BCOR: variants seen among roughly 807,000 people sequenced by gnomAD.
BCOR encodes the protein BCL-6 corepressor.
BCOR carries 10 observed loss-of-function variants against 86.7 expected under a neutral mutation model. The ratio of observed to expected loss-of-function variants is 0.12; its 90% confidence interval spans 0.07 to 0.20. The LOEUF (loss-of-function observed/expected upper bound fraction) is 0.20, where lower values mean the gene tolerates loss of function less well. BCOR is among the 10% of genes least tolerant of loss of function. The pLI, the probability that BCOR is intolerant of heterozygous loss-of-function variation, is 1.00. For synonymous variants in BCOR, 611 were observed against 609.0 expected, an observed-to-expected ratio of 1.00 and a Z score of -0.05; for missense variants, 1,259 against 1,452.1, an observed-to-expected ratio of 0.87 and a Z score of 2.16.
rs1245707826 is a variant in BCOR, at chrX:40,070,354, C to T, written c.3238+619G>A. ...CTCGTGAGCAAATCCCAAAGTCAAC[C>T]CTGTTGGTGGGGTGGGGGACCTGCT... On this transcript the variant is annotated intron_variant, in intron 6 of 14. Coordinates refer to ENST00000378444, the MANE Select transcript of BCOR (RefSeq NM_001123385.2). Among the ~76,000 whole-genome samples, 4 of 112,048 alleles carry T rather than the reference C, an allele frequency of 3.6e-5. No homozygotes were observed. In the East Asian group the frequency reaches 1.1e-3, roughly 31 times the overall value.
chrX:40,113,518 A>G (rs756470582), intron 1 of BCOR, among the ~76,000 whole-genome samples: 75 of 111,159 alleles, frequency 6.7e-4, no homozygotes, highest in Non-Finnish European at 1.4e-3. Context: ...TGTTTAGCTC[A>G]CCCTCTGAAG....
intron 10 of BCOR, among the ~76,000 whole-genome samples, chrX:40,060,599 T>C (rs1389954231): frequency 8.9e-6 from 1 of 112,111 alleles, no homozygotes; most frequent in Non-Finnish European, 1.9e-5. Flanking sequence ...CCTCTGGTGT[T>C]TGCTGGAAGC....
intron 1 of BCOR, among the ~76,000 whole-genome samples, chrX:40,089,053 G>T (rs928715566): frequency 8.9e-6 from 1 of 111,770 alleles, no homozygotes; most frequent in African/African-American, 3.3e-5. Flanking sequence ...GAATACCCTC[G>T]TAGGGGAGAT....
In BCOR at chrX:40,055,051, A is replaced by G. The variant is rs6609049; in HGVS notation, c.4741+317T>C. Reference sequence around the variant, plus strand: ...TGACCTAACACCATAAACCTGTCCAAATAATTTCATGTATGGAAGGTTTGA... The same window carrying G: ...TGACCTAACACCATAAACCTGTCCAGATAATTTCATGTATGGAAGGTTTGA... On this transcript the variant is annotated intron_variant, in intron 12 of 14. Coordinates refer to ENST00000378444, the MANE Select transcript of BCOR (RefSeq NM_001123385.2). 0.16 allele frequency among the ~76,000 whole-genome samples: 18,307 copies of G among 111,821 alleles called. 1,565 individuals carry two copies. Among genetic ancestry groups the G allele is most frequent in the East Asian group, 0.67 (2,359 of 3,524 alleles).
intron 1 of BCOR, among the ~76,000 whole-genome samples, chrX:40,087,156 C>G (rs1292657552): frequency 8.8e-6 from 1 of 113,272 alleles, no homozygotes; most frequent in Non-Finnish European, 1.9e-5. Context: ...CTGCCCCTCT[C>G]CATGCCATGT....
intron 1 of BCOR, among the ~76,000 whole-genome samples, chrX:40,158,805 A>G (rs1159295370): frequency 8.9e-6 from 1 of 112,381 alleles, no homozygotes; most frequent in Non-Finnish European, 1.9e-5. Flanking sequence ...TTTTGAATTT[A>G]ACATGCATTT....
rs769499658 is a variant in BCOR at position 40,143,634 on chromosome X, A to G, written c.-41+33373T>C. Among the ~76,000 whole-genome samples, 282 of 112,938 alleles carry G rather than the reference A, an allele frequency of 2.5e-3. 2 individuals carry two copies. The highest frequency in any genetic ancestry group is 3.2e-3 in the South Asian group (9 of 2,785). Reference sequence around the variant, plus strand: ...GTAGGAAACAAAAGCCAAAGAGGGGATTCTTAAGTTATAACAAATATGTTA... The same window carrying G: ...GTAGGAAACAAAAGCCAAAGAGGGGGTTCTTAAGTTATAACAAATATGTTA... On this transcript the variant is annotated intron_variant, in intron 1 of 14. Transcript: ENST00000342274.
At chrX:40,152,138 G>A (rs1938180094) in intron 1 of BCOR, among the ~76,000 whole-genome samples, 1 of 111,173 alleles carries the variant, frequency 9.0e-6, no homozygotes, top group African/African-American at 3.3e-5. Context: ...TATCCGGAGA[G>A]AGAAACACCT....
At chrX:40,065,692 T>G (rs888596565) in intron 6 of BCOR, among the ~76,000 whole-genome samples, 1 of 112,309 alleles carries the variant, frequency 8.9e-6, no homozygotes, top group Non-Finnish European at 1.9e-5. Context: ...AACTACTTAA[T>G]GACCACTGCG....
chrX:40,155,930 G>A (rs1184900652), intron 1 of BCOR, among the ~76,000 whole-genome samples: 1 of 112,610 alleles, frequency 8.9e-6, no homozygotes, highest in Non-Finnish European at 1.9e-5. Flanking sequence ...CCTCCTGGAG[G>A]CCTGCACCCA....
intron 10 of BCOR, among the ~76,000 whole-genome samples, 165 bp from the exon 11 acceptor site, chrX:40,057,486 G>A (rs1431101574): frequency 8.9e-6 from 1 of 111,951 alleles, no homozygotes; most frequent in Non-Finnish European, 1.9e-5. Flanking sequence ...TGTGCGAAGC[G>A]CCTGATGACA....
intron 1 of BCOR, among the ~76,000 whole-genome samples, chrX:40,120,666 G>A (rs971380823): frequency 1.8e-5 from 2 of 111,776 alleles, no homozygotes; most frequent in African/African-American, 6.5e-5. Flanking sequence ...GCTGCTGGGT[G>A]CCAGGTGCTG....
At chrX:40,158,192 G>A (rs1296509653) in intron 1 of BCOR, among the ~76,000 whole-genome samples, 1 of 112,570 alleles carries the variant, frequency 8.9e-6, no homozygotes, top group Admixed American at 9.2e-5. Context: ...GGGCCTGTCA[G>A]GACGAAGTGG....
intron 9 of BCOR, 27 bp from the exon 10 acceptor site, chrX:40,062,420 G>A (rs1161312165): frequency 5.0e-6 from 6 of 1,189,810 alleles, no homozygotes; most frequent in Admixed American, 2.3e-5. Context: ...CAGCGCACAC[G>A]GTTAAGCCCG....
chrX:40,132,097 CAG>C (rs775322864), intron 1 of BCOR, among the ~76,000 whole-genome samples: 2 of 111,827 alleles, frequency 1.8e-5, no homozygotes, highest in South Asian at 7.5e-4. Flanking sequence ...ACTGCCATGG[CAG>C]AGACTCACAA....
intron 1 of BCOR, among the ~76,000 whole-genome samples, chrX:40,118,749 T>C: frequency 8.9e-6 from 1 of 112,586 alleles, no homozygotes. Context: ...CCCTAGTTCC[T>C]CTACTGAGTA....
At position 40,104,562 on chromosome X, in the gene BCOR, C is replaced by T. The variant is rs568740630; in HGVS notation, c.-40-26593G>A. 1.1e-4 allele frequency among the ~76,000 whole-genome samples: 12 copies of T among 110,854 alleles called. No individual in the cohort carries two copies. The South Asian group carries it at 4.7e-3, about 43-fold the overall frequency. ...GAATGCAAACCTCAAGGCGGGCGCC[C>T]CAGACCAAGCTGACCTAGCCTCTGC... On this transcript the variant is annotated intron_variant, in intron 1 of 14. Coordinates refer to the BCOR transcript ENST00000342274.
At chrX:40,108,891 C>T (rs962917117) in intron 1 of BCOR, among the ~76,000 whole-genome samples, 2 of 113,220 alleles carry the variant, frequency 1.8e-5, no homozygotes, top group African/African-American at 6.4e-5. Context: ...TCCTCGGCTG[C>T]GAGGAGAAAA....
At chrX:40,161,958 A>G (rs1027117707) in intron 1 of BCOR, among the ~76,000 whole-genome samples, 1 of 112,081 alleles carries the variant, frequency 8.9e-6, no homozygotes, top group Non-Finnish European at 1.9e-5. Context: ...AACAAGACAC[A>G]TAAGTAGGGT....
Sources: allele counts gnomAD v4.1 joint callset (sites outside exome capture counted in the v4.1 genomes callset), GRCh38; gene constraint gnomAD v4.1.1; transcripts MANE v1.5; gene names NCBI Gene and HGNC (gene_info 2026-07-23, HGNC 2026-07-21).